Variants in WWOX observed in about 807,000 individuals in gnomAD.
WWOX encodes WW domain-containing oxidoreductase.
WWOX carries 69 observed loss-of-function variants against 46.2 expected under a neutral mutation model. The ratio of observed to expected loss-of-function variants is 1.49; its 90% confidence interval spans 1.23 to 1.82. The LOEUF (loss-of-function observed/expected upper bound fraction) is 1.82, where lower values mean the gene tolerates loss of function less well. Ranked by LOEUF, WWOX falls within the 40% of genes most tolerant of loss-of-function variation. WWOX has a pLI of 0.00. For synonymous variants in WWOX, 359 were observed against 202.6 expected, an observed-to-expected ratio of 1.77 and a Z score of -6.56; for missense variants, 919 against 542.6, an observed-to-expected ratio of 1.69 and a Z score of -6.89.
intron 5 of WWOX, among the ~76,000 whole-genome samples, chr16:78,228,368 G>A (rs945299400): frequency 3.8e-5 from 5 of 130,316 alleles, no homozygotes; most frequent in African/African-American, 1.5e-4. Context: ...TTTGGAGATG[G>A]TCTCACTCTG....
chr16:78,216,686 G>T (rs1367719503), intron 5 of WWOX, among the ~76,000 whole-genome samples: 6 of 149,746 alleles, frequency 4.0e-5, no homozygotes, highest in African/African-American at 1.5e-4. Context: ...AGGGATCTTT[G>T]TGATTTCATT....
intron 8 of WWOX, among the ~76,000 whole-genome samples, chr16:78,706,489 C>G (rs2048330701): frequency 6.6e-6 from 1 of 152,170 alleles, no homozygotes; most frequent in South Asian, 2.1e-4. Flanking sequence ...TCTTCCTCTC[C>G]TCTTTTTGAA....
chr16:78,707,619 A>C (rs986919374), intron 8 of WWOX, among the ~76,000 whole-genome samples: 2 of 152,288 alleles, frequency 1.3e-5, no homozygotes, highest in African/African-American at 4.8e-5. Flanking sequence ...ATGGTGTCTC[A>C]TGCCTGTAAT....
rs140104053 is a variant in WWOX at position 78,335,390 on chromosome 16, T to G, written c.517-51470T>G. Among the ~76,000 whole-genome samples the G allele has an allele frequency of 1.8e-3, 274 of 152,306 alleles. 3 individuals are homozygous for G. The highest frequency in any genetic ancestry group is 7.7e-3 in the East Asian group (40 of 5,184). ...AGAGCATGCAGTGTTTGGTTTTCAG[T>G]TTCTGCATAAGTTTGCCTAGGATAA... is the stretch of plus-strand genomic sequence containing the variant. On this transcript the variant is annotated intron_variant, in intron 5 of 8. Coordinates refer to ENST00000566780, the MANE Select transcript of WWOX (RefSeq NM_016373.4).
At chr16:78,732,313 T>A (rs1018959191) in intron 8 of WWOX, among the ~76,000 whole-genome samples, 2 of 152,234 alleles carry the variant, frequency 1.3e-5, no homozygotes, top group Middle Eastern at 3.4e-3. Context: ...CCCTCAAAAT[T>A]TGGCCACCAT....
intron 8 of WWOX, among the ~76,000 whole-genome samples, chr16:78,688,777 G>T (rs968791352): frequency 2.6e-5 from 4 of 152,138 alleles, no homozygotes; most frequent in African/African-American, 9.7e-5. Context: ...ATCTCATCTT[G>T]AGTTGTAGTT....
At chr16:79,118,619 A>G (rs938508189) in intron 8 of WWOX, among the ~76,000 whole-genome samples, 4 of 152,238 alleles carry the variant, frequency 2.6e-5, no homozygotes, top group Admixed American at 6.5e-5. Flanking sequence ...GATAATACAT[A>G]CAGCTCAGTG....
intron 8 of WWOX, among the ~76,000 whole-genome samples, chr16:78,809,850 C>G (rs543818583): frequency 1.3e-5 from 2 of 152,234 alleles, no homozygotes; most frequent in African/African-American, 2.4e-5. Flanking sequence ...GATGATGACC[C>G]TCTATGGCAG....
At chr16:78,809,423 A>G (rs2051131685) in intron 8 of WWOX, among the ~76,000 whole-genome samples, 1 of 152,028 alleles carries the variant, frequency 6.6e-6, no homozygotes, top group Admixed American at 6.6e-5. Flanking sequence ...CTTCCCTAGT[A>G]TGTATTAATG....
chr16:78,164,102 G>C (rs2034887099), intron 4 of WWOX, 81 bp from the exon 5 acceptor site: 4 of 1,282,214 alleles, frequency 3.1e-6, no homozygotes, highest in Non-Finnish European at 3.3e-6. Context: ...TAATTTAAGT[G>C]GTGCTCCGGT....
chr16:78,172,067 C>T (rs1471668206), intron 5 of WWOX, among the ~76,000 whole-genome samples: 4 of 152,120 alleles, frequency 2.6e-5, no homozygotes, highest in Non-Finnish European at 1.5e-5. Context: ...TGGGAGATAA[C>T]GGGGTGGATC....
intron 4 of WWOX, among the ~76,000 whole-genome samples, chr16:78,149,622 G>C (rs1567599580): frequency 6.6e-6 from 1 of 152,152 alleles, no homozygotes; most frequent in East Asian, 1.9e-4. Context: ...GTGGTATTTG[G>C]ACCACTTCTC....
chr16:78,274,739 C>G (rs1415824170), intron 5 of WWOX, among the ~76,000 whole-genome samples: 1 of 152,092 alleles, frequency 6.6e-6, no homozygotes, highest in Non-Finnish European at 1.5e-5. Flanking sequence ...GGGCGAGGGC[C>G]CTAGAATCAC....
At chr16:79,009,362 G>A (rs1320027489) in intron 8 of WWOX, among the ~76,000 whole-genome samples, 1 of 152,188 alleles carries the variant, frequency 6.6e-6, no homozygotes, top group East Asian at 1.9e-4. Context: ...TTTCACAAAT[G>A]CTTATGGAGC....
At chr16:78,869,071 C>G (rs908923482) in intron 8 of WWOX, among the ~76,000 whole-genome samples, 3 of 152,156 alleles carry the variant, frequency 2.0e-5, no homozygotes, top group South Asian at 2.1e-4. Context: ...GAGATAACCA[C>G]TGTATGTTTA....
intron 8 of WWOX, among the ~76,000 whole-genome samples, chr16:79,034,824 C>T (rs553225523): frequency 1.3e-5 from 2 of 152,234 alleles, no homozygotes; most frequent in African/African-American, 4.8e-5. Context: ...ACATACCTTC[C>T]AGTCTCCCGA....
chr16:78,743,203 T>C (rs2049272719), intron 8 of WWOX, among the ~76,000 whole-genome samples: 1 of 152,142 alleles, frequency 6.6e-6, no homozygotes, highest in South Asian at 2.1e-4. Context: ...GAGGCCACTC[T>C]TTCTGCACTG....
At chr16:78,652,440 A>G (rs1334398516) in intron 8 of WWOX, among the ~76,000 whole-genome samples, 2 of 151,722 alleles carry the variant, frequency 1.3e-5, no homozygotes, top group Admixed American at 6.6e-5. Flanking sequence ...AAGAAAAAGA[A>G]AAAGGTGTTT....
chr16:78,476,906 CT>C (rs2084363186), intron 8 of WWOX, among the ~76,000 whole-genome samples: 2 of 152,090 alleles, frequency 1.3e-5, no homozygotes, highest in Non-Finnish European at 2.9e-5. Context: ...CTTCTCTCCC[CT>C]CTCCCCCTTC....
Sources: gnomAD v4.1 joint callset for allele counts (sites outside exome capture counted in the v4.1 genomes callset) on GRCh38, gnomAD v4.1.1 for gene constraint, MANE v1.5 for transcripts, NCBI Gene and HGNC (gene_info 2026-07-23, HGNC 2026-07-21) for gene names.